Variants in BEST3 observed in about 807,000 individuals in gnomAD.
BEST3 encodes the protein bestrophin 3, also known as bestrophin-3.
A neutral mutation model predicts 47.1 loss-of-function variants in BEST3; 50 were observed. The observed-to-expected ratio is 1.06, with a 90% CI of 0.85 to 1.34. BEST3 has a LOEUF of 1.34. Ranked by LOEUF, BEST3 falls within the 40% of genes most tolerant of loss-of-function variation. BEST3 has a pLI of 0.00. For synonymous variants in BEST3, 282 were observed against 298.8 expected (o/e 0.94, Z 0.58); for missense variants, 765 against 817.0 (o/e 0.94, Z 0.78).
intron 9 of BEST3, among the ~76,000 whole-genome samples, chr12:69,665,435 A>G (rs1390572301): frequency 3.3e-5 from 5 of 152,306 alleles, no homozygotes; most frequent in African/African-American, 1.2e-4. Flanking sequence ...TCTACTAAAA[A>G]TACAAAAATT....
At chr12:69,688,053 A>G (rs761301853) in intron 4 of BEST3, among the ~76,000 whole-genome samples, 2 of 152,236 alleles carry the variant, frequency 1.3e-5, no homozygotes, top group Non-Finnish European at 2.9e-5. Context: ...AGAGGAATGT[A>G]TATAATTTCC....
intron 1 of BEST3, among the ~76,000 whole-genome samples, chr12:69,698,191 T>C (rs1033291834): frequency 1.1e-4 from 17 of 152,194 alleles, no homozygotes; most frequent in African/African-American, 4.1e-4. Flanking sequence ...GTCTCTCTAG[T>C]GGAGGTCCAA....
chr12:69,654,745 A>G lies in BEST3; in HGVS notation c.*162T>C, dbSNP rs1883348921. ...GCGTTTGATTTTTCGCAGCTCTCAA[A>G]AAGTCAGGATCATAATGCCCTTCAA... On this transcript the variant is annotated 3_prime_UTR_variant, in exon 10 of 10. Transcript: ENST00000330891. 2 of 1,354,016 alleles carry G rather than the reference A, an allele frequency of 1.5e-6. No individual in the cohort carries two copies. The highest frequency in any genetic ancestry group is 1.4e-5 in the African/African-American group (1 of 69,026). The allele number at this position is 1,354,016 out of a possible 1,614,324, so 83.9% of individuals were successfully genotyped here.
chr12:69,668,098 T>C (rs1269964607), intron 9 of BEST3, among the ~76,000 whole-genome samples: 2 of 152,200 alleles, frequency 1.3e-5, no homozygotes, highest in Non-Finnish European at 2.9e-5. Flanking sequence ...TGAACAGCGC[T>C]GTTGAATGTG....
intron 7 of BEST3, among the ~76,000 whole-genome samples, chr12:69,674,093 G>A (rs1013290847): frequency 6.6e-6 from 1 of 152,052 alleles, no homozygotes; most frequent in African/African-American, 2.4e-5. Flanking sequence ...GAGAGAGACA[G>A]GGAGAGAGTT....
chr12:69,646,605 A>C (rs536812800), intron 9 of BEST3, among the ~76,000 whole-genome samples: 1 of 152,276 alleles, frequency 6.6e-6, no homozygotes, highest in African/African-American at 2.4e-5. Flanking sequence ...TGAGAAGGGC[A>C]TTGTCCCACC....
intron 9 of BEST3, among the ~76,000 whole-genome samples, chr12:69,657,489 G>A (rs897957974): frequency 4.6e-5 from 7 of 152,056 alleles, no homozygotes; most frequent in African/African-American, 9.7e-5. Flanking sequence ...CTCTGGCCTC[G>A]GATTACATAG....
At chr12:69,657,679 G>A (rs906415372) in intron 9 of BEST3, among the ~76,000 whole-genome samples, 1 of 152,188 alleles carries the variant, frequency 6.6e-6, no homozygotes, top group Non-Finnish European at 1.5e-5. Context: ...TGCATTTTAT[G>A]TGACATGAAG....
In BEST3 at chr12:69,678,911, A is replaced by C; in HGVS notation, c.482-18T>G. The C allele has an allele frequency of 6.2e-7, 1 of 1,603,592 alleles. No homozygotes were observed. Among genetic ancestry groups the C allele is most frequent in the Non-Finnish European group, 8.5e-7 (1 of 1,172,398 alleles). On this transcript the variant is annotated intron_variant, in intron 4 of 9. Transcript: ENST00000330891. ...CATAAAACCTTTACAAAAAAATAAA[A>C]ATCGGTAGGTATACAGACTTAGTTT...
intron 9 of BEST3, among the ~76,000 whole-genome samples, chr12:69,665,340 C>T (rs572360189): frequency 5.3e-5 from 8 of 152,196 alleles, no homozygotes; most frequent in East Asian, 1.9e-4. Context: ...TAGGTGGTGA[C>T]GATAATTCTA....
chr12:69,648,695 A>G (rs997087659), downstream of BEST3, among the ~76,000 whole-genome samples: 4 of 152,176 alleles, frequency 2.6e-5, no homozygotes, highest in African/African-American at 9.7e-5. Flanking sequence ...AATGACTATG[A>G]ATACAAGTCC....
At chr12:69,656,295 G>A (rs938642055) in intron 9 of BEST3, among the ~76,000 whole-genome samples, 23 of 151,984 alleles carry the variant, frequency 1.5e-4, no homozygotes, top group African/African-American at 5.1e-4. Flanking sequence ...GATATCCCCA[G>A]ACTACACTTT....
intron 9 of BEST3, among the ~76,000 whole-genome samples, chr12:69,665,986 T>C (rs532772218): frequency 2.0e-5 from 3 of 152,246 alleles, no homozygotes; most frequent in South Asian, 4.2e-4. Flanking sequence ...CATGGAGCTT[T>C]TTCATAGCTT....
At chr12:69,696,495 T>C (rs969348371) in intron 2 of BEST3, among the ~76,000 whole-genome samples, 9 of 152,178 alleles carry the variant, frequency 5.9e-5, no homozygotes, top group Non-Finnish European at 1.3e-4. Flanking sequence ...AGGTGATACC[T>C]ACCTAAATTG....
At chr12:69,670,022 C>CGAAAAGAA (rs1884460466) in intron 9 of BEST3, 5 of 162,550 alleles carry the variant, frequency 3.1e-5, no homozygotes, top group Admixed American at 1.2e-4. Context: ...CTTTTCTTTT[C>CGAAAAGAA]AAGTTAAATC....
At chr12:69,652,269 A>G (rs1016080776), downstream of BEST3, among the ~76,000 whole-genome samples, 4 of 152,212 alleles carry the variant, frequency 2.6e-5, no homozygotes, top group African/African-American at 9.6e-5. Flanking sequence ...GAATGGGCAA[A>G]CTCAAAAGAT....
At chr12:69,664,458 C>A (rs1481147392) in intron 9 of BEST3, among the ~76,000 whole-genome samples, 1 of 152,080 alleles carries the variant, frequency 6.6e-6, no homozygotes, top group African/African-American at 2.4e-5. Context: ...AGTTCTGTGA[C>A]TTCTTTAGGA....
chr12:69,680,310 C>CTTCTTTTTTTTT lies in BEST3; in HGVS notation c.482-1418_482-1417insAAAAAAAAAGAA, dbSNP rs763385722. On this transcript the variant is annotated intron_variant, in intron 4 of 9. Transcript: ENST00000330891. Reference sequence around the variant, plus strand: ...TTAAAACTTACAGTTTACACTTGATCTTTTTTTTTTTTTTTTTAGATGGAG... The same window carrying CTTCTTTTTTTTT: ...TTAAAACTTACAGTTTACACTTGATCTTCTTTTTTTTTTTTTTTTTTTTTTTTTTAGATGGAG... Among the ~76,000 whole-genome samples, 54 of 94,984 alleles carry CTTCTTTTTTTTT rather than the reference C, an allele frequency of 5.7e-4. 2 individuals carry two copies. The highest frequency in any genetic ancestry group is 2.3e-3 in the East Asian group (7 of 3,054). The allele number at this position is 94,984 out of a possible 152,430, so 62.3% of individuals were successfully genotyped here.
In BEST3 at chr12:69,655,124, C is replaced by T. The variant is rs773481886; in HGVS notation, c.1790G>A (p.Gly597Glu). 2.5e-6 allele frequency: 4 copies of T among 1,614,092 alleles called. No homozygotes were observed. The South Asian group carries it at 4.4e-5, about 18-fold the overall frequency. ...LKRWSLPGFL[G>E]SSHTSLGNLS... is the part of the protein sequence containing the mutation. ...GTTTCCCAGGGAAGTGTGGCTGGAC[C>T]CCAGGAATCCCGGAAGACTCCACCT... The change falls in exon 10 of 10, where the codon GGG (glycine) becomes GAG (glutamate). Residue 597 changes from glycine (G) to glutamate (E), a missense_variant. Physicochemically the swap from Gly to Glu is moderately conservative, Grantham distance 98. Coordinates refer to ENST00000330891, the MANE Select transcript of BEST3 (RefSeq NM_032735.3).
Sources: allele counts gnomAD v4.1 joint callset (sites outside exome capture counted in the v4.1 genomes callset), GRCh38; gene constraint gnomAD v4.1.1; transcripts MANE v1.5; gene names NCBI Gene and HGNC (gene_info 2026-07-23, HGNC 2026-07-21).